GADL1: variants seen among roughly 807,000 people sequenced by gnomAD.
The protein encoded by GADL1 is acidic amino acid decarboxylase GADL1.
Under a neutral mutation model 69.5 loss-of-function variants are expected in GADL1, and 71 were observed. The ratio of observed to expected loss-of-function variants is 1.02; its 90% confidence interval spans 0.84 to 1.25. The LOEUF is 1.25. GADL1 is among the 50% of genes most tolerant of loss of function. The pLI, the probability that GADL1 is intolerant of heterozygous loss-of-function variation, is 0.00. For synonymous variants in GADL1, 254 were observed against 214.4 expected (o/e 1.18, Z -1.62); for missense variants, 737 against 631.8 (o/e 1.17, Z -1.79).
intron 8 of GADL1, among the ~76,000 whole-genome samples, chr3:30,842,541 T>C (rs2125527787): frequency 6.6e-6 from 1 of 151,396 alleles, no homozygotes; most frequent in South Asian, 2.1e-4. Flanking sequence ...AAGTGGGGAA[T>C]AGGGAATGGA....
intron 1 of GADL1, among the ~76,000 whole-genome samples, chr3:30,870,818 A>G (rs1698469426): frequency 6.6e-6 from 1 of 151,700 alleles, no homozygotes; most frequent in Non-Finnish European, 1.5e-5. Context: ...AATTTAAAGT[A>G]ATTCTTAGGT....
At chr3:30,760,750 C>G (rs1022917175) in intron 14 of GADL1, among the ~76,000 whole-genome samples, 1 of 152,106 alleles carries the variant, frequency 6.6e-6, no homozygotes, top group Non-Finnish European at 1.5e-5. Context: ...GGTTATGTGA[C>G]TTGGCCCTGA....
intron 6 of GADL1, among the ~76,000 whole-genome samples, chr3:30,847,005 T>C (rs1264339965): frequency 6.6e-6 from 1 of 152,208 alleles, no homozygotes; most frequent in Non-Finnish European, 1.5e-5. Context: ...CTTTTTACCC[T>C]ACTTTTTAGT....
chr3:30,810,624 C>T (rs1366299575), intron 11 of GADL1, among the ~76,000 whole-genome samples: 1 of 152,130 alleles, frequency 6.6e-6, no homozygotes, highest in Non-Finnish European at 1.5e-5. Context: ...AGAGATCCTA[C>T]AGCCCTGTGT....
intron 12 of GADL1, among the ~76,000 whole-genome samples, chr3:30,788,496 T>TTG (rs900462200): frequency 3.9e-5 from 6 of 152,176 alleles, no homozygotes; most frequent in African/African-American, 1.2e-4. Context: ...TGCCTTGATG[T>TTG]TGGTTGCTGA....
intron 14 of GADL1, among the ~76,000 whole-genome samples, chr3:30,732,676 A>T (rs1695475584): frequency 6.6e-6 from 1 of 152,246 alleles, no homozygotes; most frequent in South Asian, 2.1e-4. Flanking sequence ...TTTGATTAAA[A>T]TAAAATGATA....
At chr3:30,762,427 TCAA>T (rs767241391) in intron 14 of GADL1, among the ~76,000 whole-genome samples, 1 of 152,202 alleles carries the variant, frequency 6.6e-6, no homozygotes, top group Non-Finnish European at 1.5e-5. Flanking sequence ...CTCATGTACT[TCAA>T]CAAACAACTT....
rs1472017292 is a variant in GADL1, at chr3:30,844,467, C to G, written c.652-1G>C. 1 of 1,601,496 alleles carries G rather than the reference C, an allele frequency of 6.2e-7. No homozygotes were observed. On this transcript the variant is annotated splice_acceptor_variant, in intron 6 of 14. Transcript: ENST00000282538. LOFTEE classifies it high-confidence loss of function. ...CTGCCTTCTTCATAGAGTAATGACA[C>G]TGAATTCAAAGGGACAGTGGGGAAG...
At chr3:30,762,822 A>AG (rs1696171187) in intron 14 of GADL1, among the ~76,000 whole-genome samples, 1 of 147,864 alleles carries the variant, frequency 6.8e-6, no homozygotes, top group African/African-American at 2.5e-5. Flanking sequence ...TCCCACAGAT[A>AG]ACTGAAAACA....
chr3:30,865,055 C>T (rs1230724115), intron 1 of GADL1, among the ~76,000 whole-genome samples: 1 of 151,950 alleles, frequency 6.6e-6, no homozygotes, highest in Non-Finnish European at 1.5e-5. Flanking sequence ...GCCCATTTCC[C>T]TATTATCTCA....
At chr3:30,851,945 TTC>T (rs1287623472) in intron 4 of GADL1, among the ~76,000 whole-genome samples, 1 of 151,216 alleles carries the variant, frequency 6.6e-6, no homozygotes, top group Non-Finnish European at 1.5e-5. Flanking sequence ...GATATTTATT[TTC>T]TCTCTCCAGA....
At chr3:30,748,775 G>C (rs1377267951) in intron 14 of GADL1, among the ~76,000 whole-genome samples, 1 of 152,150 alleles carries the variant, frequency 6.6e-6, no homozygotes, top group Non-Finnish European at 1.5e-5. Flanking sequence ...TTTAACCTGG[G>C]AAGAAAGCTG....
rs1201521179 is a variant in GADL1 at position 30,827,345 on chromosome 3, T to TA, written c.1050+6507dup. 2.1e-3 allele frequency among the ~76,000 whole-genome samples: 321 copies of TA among 151,888 alleles called. 1 individual carries two copies. The highest frequency in any genetic ancestry group is 3.5e-3 in the Non-Finnish European group (236 of 67,826). On this transcript the variant is annotated intron_variant, in intron 11 of 14. Coordinates refer to ENST00000282538, the MANE Select transcript of GADL1 (RefSeq NM_207359.3). Reference sequence around the variant, plus strand: ...ATTAGGACCAGTACACATTTATGACTAGGTGGTAACTGATGATTGAGATCA... The same window carrying TA: ...ATTAGGACCAGTACACATTTATGACTAAGGTGGTAACTGATGATTGAGATCA...
chr3:30,890,941 A>G (rs1337182108), intron 1 of GADL1, among the ~76,000 whole-genome samples: 1 of 152,178 alleles, frequency 6.6e-6, no homozygotes, highest in Non-Finnish European at 1.5e-5. Context: ...TCCCTACCTT[A>G]CAAATTAACA....
intron 14 of GADL1, among the ~76,000 whole-genome samples, chr3:30,754,946 C>G (rs1446143070): frequency 1.3e-5 from 2 of 151,926 alleles, no homozygotes; most frequent in Non-Finnish European, 2.9e-5. Flanking sequence ...ATTGAAAAAC[C>G]AAGAGACTTT....
chr3:30,797,342 C>A (rs1697057511), intron 12 of GADL1, among the ~76,000 whole-genome samples: 1 of 152,108 alleles, frequency 6.6e-6, no homozygotes, highest in Admixed American at 6.6e-5. Flanking sequence ...CACACTACTC[C>A]CAGTATAGAA....
intron 1 of GADL1, among the ~76,000 whole-genome samples, chr3:30,881,778 T>A (rs979232857): frequency 1.6e-4 from 25 of 152,002 alleles, no homozygotes; most frequent in African/African-American, 6.0e-4. Flanking sequence ...TGAAATTTAA[T>A]TGCTATTATA....
chr3:30,785,739 T>C (rs1341790980), intron 13 of GADL1, among the ~76,000 whole-genome samples: 2 of 152,172 alleles, frequency 1.3e-5, no homozygotes, highest in Non-Finnish European at 2.9e-5. Flanking sequence ...TTACATTAGG[T>C]TAAAAACTGC....
chr3:30,814,264 G>A (rs1461982542), intron 11 of GADL1, among the ~76,000 whole-genome samples: 1 of 152,110 alleles, frequency 6.6e-6, no homozygotes, highest in African/African-American at 2.4e-5. Context: ...AAGGTCCATA[G>A]GTTCATTTAC....
Sources: gnomAD v4.1 joint callset for allele counts (sites outside exome capture counted in the v4.1 genomes callset) on GRCh38, gnomAD v4.1.1 for gene constraint, MANE v1.5 for transcripts, NCBI Gene and HGNC (gene_info 2026-07-23, HGNC 2026-07-21) for gene names.